The following PRKG1 variants were observed in gnomAD, a reference collection of about 807,000 sequenced individuals.
PRKG1 encodes protein kinase cGMP-dependent 1.
Under a neutral mutation model 88.1 loss-of-function variants are expected in PRKG1, and 35 were observed. The ratio of observed to expected loss-of-function variants is 0.40; its 90% CI spans 0.30 to 0.53. PRKG1 has a LOEUF of 0.53. Among genes scored for constraint, PRKG1 ranks in the 20% least tolerant of loss-of-function variants. The pLI is 0.59. For missense variants in PRKG1, 540 were observed against 839.8 expected, an observed-to-expected ratio of 0.64 and a Z score of 4.41; for synonymous variants, 303 against 292.5, an observed-to-expected ratio of 1.04 and a Z score of -0.37.
chr10:51,300,468 C>G (rs1165666787), intron 2 of PRKG1, among the ~76,000 whole-genome samples: 1 of 152,178 alleles, frequency 6.6e-6, no homozygotes, highest in Non-Finnish European at 1.5e-5. Flanking sequence ...TTAAGAAGCT[C>G]TTTGCTGGGA....
At chr10:51,534,473 C>G (rs1210360103) in intron 3 of PRKG1, among the ~76,000 whole-genome samples, 1 of 151,896 alleles carries the variant, frequency 6.6e-6, no homozygotes, top group Non-Finnish European at 1.5e-5. Flanking sequence ...TCGAGACCAT[C>G]CTGGCTAACA....
At chr10:51,217,376 G>C (rs926105761) in intron 2 of PRKG1, among the ~76,000 whole-genome samples, 2 of 152,006 alleles carry the variant, frequency 1.3e-5, no homozygotes, top group Non-Finnish European at 1.5e-5. Context: ...TAATAAGTTT[G>C]GTGTGGGGAA....
At position 51,117,508 on chromosome 10, in the gene PRKG1, A is replaced by C. The variant is rs137965395; in HGVS notation, c.312-35656A>C. ...AGCCAAGCATGTTGCTACGCACTTC[A>C]TGGGCATTATTTATGGTGCTTACCA... On this transcript the variant is annotated intron_variant, in intron 1 of 17. Transcript: ENST00000373980. Among the ~76,000 whole-genome samples, 369 of 152,328 alleles carry C rather than the reference A, an allele frequency of 2.4e-3. 3 individuals are homozygous for C. Among genetic ancestry groups the C allele is most frequent in the South Asian group, 7.5e-3 (36 of 4,824 alleles).
intron 9 of PRKG1, among the ~76,000 whole-genome samples, chr10:52,192,619 G>A (rs1384344037): frequency 3.3e-5 from 5 of 152,074 alleles, no homozygotes; most frequent in African/African-American, 9.6e-5. Context: ...ATTATTTTAG[G>A]AGGAAGTCAA....
Position 51,758,837 on chromosome 10 carries a change from C to T in PRKG1, c.593-45748C>T, listed in dbSNP as rs181012898. Among the ~76,000 whole-genome samples, 502 of 151,542 alleles carry T rather than the reference C, an allele frequency of 3.3e-3. 4 individuals are homozygous for T. The highest frequency in any genetic ancestry group is 8.7e-3 in the African/African-American group (357 of 41,246). ...CATTAGGTATTTTTCCTAATGCTCT[C>T]CCTCCTCTTCCCCCCCACCCCCCGA... On this transcript the variant is annotated intron_variant, in intron 3 of 17. Coordinates refer to ENST00000373980, the MANE Select transcript of PRKG1 (RefSeq NM_006258.4).
intron 1 of PRKG1, among the ~76,000 whole-genome samples, chr10:51,008,316 C>T (rs1842960543): frequency 6.6e-6 from 1 of 152,170 alleles, no homozygotes; most frequent in African/African-American, 2.4e-5. Flanking sequence ...AGAAGGGTGA[C>T]TATATGCATT....
At chr10:51,552,157 A>G (rs1837155083) in intron 3 of PRKG1, among the ~76,000 whole-genome samples, 1 of 151,708 alleles carries the variant, frequency 6.6e-6, no homozygotes, top group South Asian at 2.1e-4. Flanking sequence ...ATTATGCTAA[A>G]CATGTATTAT....
At chr10:51,488,431 T>G (rs1926208) in intron 3 of PRKG1, among the ~76,000 whole-genome samples, 96,842 of 151,990 alleles carry the variant, frequency 0.64, 33,391 homozygotes, top group East Asian at 0.87. Context: ...GCATTGGAAG[T>G]GTGAAAACTC....
intron 7 of PRKG1, among the ~76,000 whole-genome samples, chr10:52,120,154 C>T (rs1240566901): frequency 6.6e-6 from 1 of 152,168 alleles, no homozygotes; most frequent in Non-Finnish European, 1.5e-5. Context: ...CTCACTCCCT[C>T]AGTAAGGACA....
intron 3 of PRKG1, among the ~76,000 whole-genome samples, chr10:51,596,212 A>G (rs1359124318): frequency 1.3e-5 from 2 of 152,168 alleles, no homozygotes; most frequent in Non-Finnish European, 2.9e-5. Flanking sequence ...TTTTTGCTGA[A>G]TATTTTATTC....
chr10:51,300,903 C>T (rs1326964425), intron 2 of PRKG1, among the ~76,000 whole-genome samples: 1 of 152,240 alleles, frequency 6.6e-6, no homozygotes, highest in East Asian at 1.9e-4. Context: ...AATAGTGTGT[C>T]TGCCTTTCTT....
At chr10:51,232,653 GA>G (rs200564986) in intron 2 of PRKG1, among the ~76,000 whole-genome samples, 1 of 151,498 alleles carries the variant, frequency 6.6e-6, no homozygotes, top group Non-Finnish European at 1.5e-5. Context: ...CAGTGCAATG[GA>G]AAAAAAAATT....
At chr10:51,586,647 A>C (rs1838181479) in intron 3 of PRKG1, among the ~76,000 whole-genome samples, 1 of 152,172 alleles carries the variant, frequency 6.6e-6, no homozygotes, top group Non-Finnish European at 1.5e-5. Context: ...TAAATGTTAA[A>C]AGTAGCTCTG....
intron 2 of PRKG1, among the ~76,000 whole-genome samples, chr10:51,467,226 T>C (rs1465383698): frequency 6.6e-6 from 1 of 151,988 alleles, no homozygotes; most frequent in East Asian, 1.9e-4. Flanking sequence ...GATAAGACAG[T>C]CTTGGCCAAG....
intron 2 of PRKG1, among the ~76,000 whole-genome samples, chr10:51,197,662 A>G (rs956923860): frequency 1.6e-4 from 24 of 151,958 alleles, no homozygotes; most frequent in African/African-American, 5.1e-4. Flanking sequence ...ATACTAGTAT[A>G]TACATAGTAT....
intron 4 of PRKG1, among the ~76,000 whole-genome samples, chr10:51,906,045 G>C (rs1340308712): frequency 6.6e-6 from 1 of 152,094 alleles, no homozygotes; most frequent in Non-Finnish European, 1.5e-5. Context: ...GACCTAGCTG[G>C]AGAGGGGTTG....
intron 3 of PRKG1, among the ~76,000 whole-genome samples, chr10:51,493,095 A>T (rs1351673921): frequency 6.6e-6 from 1 of 152,140 alleles, no homozygotes; most frequent in Non-Finnish European, 1.5e-5. Flanking sequence ...CTATTAACTC[A>T]TGAGAGCAGA....
At chr10:52,087,679 T>C (rs1846950593) in intron 7 of PRKG1, among the ~76,000 whole-genome samples, 1 of 152,186 alleles carries the variant, frequency 6.6e-6, no homozygotes, top group African/African-American at 2.4e-5. Context: ...CATTTTTAGA[T>C]AAATCAGAAT....
At chr10:51,614,705 A>C (rs374609012) in intron 3 of PRKG1, among the ~76,000 whole-genome samples, 258 of 152,028 alleles carry the variant, frequency 1.7e-3, no homozygotes, top group African/African-American at 6.0e-3. Context: ...TGTTTGCTTT[A>C]CCAGTGCATT....
Sources: gnomAD v4.1 joint callset for allele counts (sites outside exome capture counted in the v4.1 genomes callset) on GRCh38, gnomAD v4.1.1 for gene constraint, MANE v1.5 for transcripts, NCBI Gene and HGNC (gene_info 2026-07-23, HGNC 2026-07-21) for gene names.